PDGFRB: variants seen among roughly 807,000 people sequenced by gnomAD.
The protein encoded by PDGFRB is platelet-derived growth factor receptor beta.
PDGFRB carries 42 observed loss-of-function variants against 120.2 expected under a neutral mutation model. The observed-to-expected ratio is 0.35, with a 90% confidence interval of 0.27 to 0.45. PDGFRB has a LOEUF of 0.45. PDGFRB is among the 20% of genes least tolerant of loss of function. The probability of loss-of-function intolerance (pLI) is 1.00; values close to 1 mark genes in which losing one functional copy is unlikely to be tolerated. For synonymous variants in PDGFRB, 586 were observed against 606.8 expected, an observed-to-expected ratio of 0.97 and a Z score of 0.50; for missense variants, 1,149 against 1,476.3, an observed-to-expected ratio of 0.78 and a Z score of 3.63.
At position 150,121,825 on chromosome 5, in the gene PDGFRB, G is replaced by A; in HGVS notation, c.2344+55C>T. 2.2e-6 allele frequency: 3 copies of A among 1,352,612 alleles called. No individual in the cohort carries two copies. Among genetic ancestry groups the A allele is most frequent in the South Asian group, 2.4e-5 (2 of 84,202 alleles). 83.8% of individuals were successfully genotyped at this position (1,352,612 alleles called of 1,614,324 possible). ...CAGGGTTTTTGGCAAGGCTGGGCAT[G>A]TGAAGAGCATCAGCCTGTTTGGATG... On this transcript the variant is annotated intron_variant, in intron 16 of 22. Transcript: ENST00000261799. The surrounding 1 kb of genome is among the most constrained non-coding windows in gnomAD (Gnocchi z 4.1).
intron 1 of PDGFRB, among the ~76,000 whole-genome samples, chr5:150,145,563 A>G (rs1011737821): frequency 1.3e-5 from 2 of 152,190 alleles, no homozygotes; most frequent in Admixed American, 6.5e-5. Context: ...GACTGTTTAC[A>G]TTGTTTGCCC....
At chr5:150,144,569 C>T (rs1215583624) in intron 1 of PDGFRB, among the ~76,000 whole-genome samples, 1 of 152,240 alleles carries the variant, frequency 6.6e-6, no homozygotes, top group Non-Finnish European at 1.5e-5. Flanking sequence ...CTCCCCAGCC[C>T]GAGCCCCGCT....
At position 150,130,668 on chromosome 5, in the gene PDGFRB, T is replaced by C; in HGVS notation, c.1244-6A>G. ...CTCCAGCACTCGGACAGGGACTGCA[T>C]GGAGAGAGCACTGAGTTAGGAGGCG... On this transcript the variant is annotated splice_region_variant and splice_polypyrimidine_tract_variant and intron_variant, in intron 8 of 22. Coordinates refer to ENST00000261799, the MANE Select transcript of PDGFRB (RefSeq NM_002609.4). 1.9e-6 allele frequency: 3 copies of C among 1,612,698 alleles called. No homozygotes were observed. Among genetic ancestry groups the C allele is most frequent in the South Asian group, 2.2e-5 (2 of 91,046 alleles).
chr5:150,118,382 G>T (rs969318776), intron 21 of PDGFRB, among the ~76,000 whole-genome samples: 3 of 152,156 alleles, frequency 2.0e-5, no homozygotes, highest in East Asian at 1.9e-4. Context: ...CCTGTGACAG[G>T]ATCCAAGTGG....
Position 150,117,758 on chromosome 5 carries a change from TCGGAGGC to T in PDGFRB, c.2990_2996del (p.Gly997AspfsTer46). The T allele has an allele frequency of 6.2e-7, 1 of 1,613,318 alleles. No homozygotes were observed. ...GGACGGAGCTGGTGTCCAGGGGAGA[TCGGAGGC>T]CATGGAACCCAGGCAAGCGGGCCTG... On this transcript the variant is annotated frameshift_variant, in exon 22 of 23. Transcript: ENST00000261799. LOFTEE classifies it high-confidence loss of function.
chr5:150,148,266 C>T lies in PDGFRB; in HGVS notation c.-7+7131G>A, dbSNP rs1406539853. 2.0e-5 allele frequency among the ~76,000 whole-genome samples: 3 copies of T among 152,352 alleles called. No homozygotes were observed. In the Middle Eastern group the frequency reaches 0.01, roughly 518 times the overall value. On this transcript the variant is annotated intron_variant, in intron 1 of 22. Transcript: ENST00000261799. ...ACAAATCAGGATACCTACCTAACAA[C>T]GATCTGGACTCTCTTCAACTTCCTA... is the stretch of plus-strand genomic sequence containing the variant.
rs576696405 is a variant in PDGFRB at position 150,155,451 on chromosome 5, C to T, written c.-61G>A. The T allele has an allele frequency of 2.0e-5, 8 of 397,300 alleles. No individual in the cohort carries two copies. Among genetic ancestry groups the T allele is most frequent in the Middle Eastern group, 6.2e-4 (1 of 1,612 alleles). 24.6% of individuals were successfully genotyped at this position (397,300 alleles called of 1,614,324 possible). The stretch of plus-strand genomic sequence containing the variant: ...CAGTTCCAGGCTCTGGACAGTCACC[C>T]CCTCCAGGAAGTCCTCCTTACTGCC... On this transcript the variant is annotated 5_prime_UTR_variant, in exon 1 of 23. Transcript: ENST00000261799.
At chr5:150,117,566 A>C in intron 22 of PDGFRB, 52 bp downstream of exon 22, 1 of 986,716 alleles carries the variant, frequency 1.0e-6, no homozygotes, top group Non-Finnish European at 1.6e-6. Flanking sequence ...ACACACACAC[A>C]CACACACACA....
At position 150,121,960 on chromosome 5, in the gene PDGFRB, A is replaced by T. The variant is rs939822838; in HGVS notation, c.2264T>A (p.Leu755Gln). Residue 755 changes from leucine to glutamine, a missense_variant, in exon 16 of 23, where the codon CTG becomes CAG. By Grantham distance (113) the Leu-to-Gln change is moderately radical. Around this residue, in one of 3 missense-constraint regions of PDGFRB, gnomAD observed 879 missense variants for 1,108.6 expected, o/e 0.79. Transcript: ENST00000261799. The surrounding 1 kb of genome is among the most constrained non-coding windows in gnomAD (Gnocchi z 4.1). ...KDESVDYVPM[L>Q]DMKGDVKYAD... ...ATATTTGACGTCTCCTTTCATGTCC[A>T]GCATGGGCACATAGTCCACCGACTC... 1 of 1,613,470 alleles carries T rather than the reference A, an allele frequency of 6.2e-7. No individual in the cohort carries two copies. Among genetic ancestry groups the T allele is most frequent in the East Asian group, 2.2e-5 (1 of 44,892 alleles).
rs1432844976 is a variant in PDGFRB, at chr5:150,118,763, C to T, written c.2888G>A (p.Gly963Asp). 1 of 1,610,796 alleles carries T rather than the reference C, an allele frequency of 6.2e-7. No individual in the cohort carries two copies. Among genetic ancestry groups the T allele is most frequent in the Admixed American group, 1.7e-5 (1 of 60,010 alleles). ...QLVLLLERLL[G>D]EGYKKKYQQV... ...TCAACATACCTTTTTGTAACCTTCGCCCAACAGTCTCTCGAGAAGCAGCAC... is the reference window on the plus strand; with the variant it reads ...TCAACATACCTTTTTGTAACCTTCGTCCAACAGTCTCTCGAGAAGCAGCAC... The change falls in exon 21 of 23, where the codon GGC (glycine) becomes GAC (aspartate). Residue 963 changes from glycine to aspartate, a missense_variant. Around this residue, in one of 3 missense-constraint regions of PDGFRB, gnomAD observed 202 missense variants for 214.3 expected, o/e 0.94. Coordinates refer to ENST00000261799, the MANE Select transcript of PDGFRB (RefSeq NM_002609.4).
chr5:150,151,523 G>A (rs1053324235), intron 1 of PDGFRB, among the ~76,000 whole-genome samples: 1 of 152,202 alleles, frequency 6.6e-6, no homozygotes, highest in Admixed American at 6.6e-5. Flanking sequence ...CGAGCTGTGG[G>A]ACTTTAGGCA....
chr5:150,120,842 TCACAGG>T lies in PDGFRB; in HGVS notation c.2586+40_2586+45del. 6.3e-7 allele frequency: 1 copy of T among 1,595,084 alleles called. No individual in the cohort carries two copies. Among genetic ancestry groups the T allele is most frequent in the Non-Finnish European group, 8.6e-7 (1 of 1,163,278 alleles). ...GTCAGGAGGGAATCTGTTCCTGCGG[TCACAGG>T]CACTGTGACTGCCCTGCAGGGGCCA... On this transcript the variant is annotated intron_variant, in intron 18 of 22. Transcript: ENST00000261799. The surrounding 1 kb of genome is among the most constrained non-coding windows in gnomAD (Gnocchi z 4.3).
At position 150,123,227 on chromosome 5, in the gene PDGFRB, G is replaced by C. The variant is rs373606468; in HGVS notation, c.2024-26C>G. ...CTGCAGAGGGACAGGCTCAGGGACAGTCCCTATGGAGGCCTCAGGCGTCCC... is the reference window on the plus strand; with the variant it reads ...CTGCAGAGGGACAGGCTCAGGGACACTCCCTATGGAGGCCTCAGGCGTCCC... On this transcript the variant is annotated intron_variant, in intron 14 of 22. Transcript: ENST00000261799. 3.7e-6 allele frequency: 6 copies of C among 1,602,566 alleles called. No homozygotes were observed. The South Asian group carries it at 5.5e-5, about 15-fold the overall frequency.
rs1239785040 is a variant in PDGFRB at position 150,123,164 on chromosome 5, T to G, written c.2061A>C (p.Gly687=). The G allele has an allele frequency of 3.7e-6, 6 of 1,613,640 alleles. No individual in the cohort carries two copies. The highest frequency in any genetic ancestry group is 4.2e-6 in the Non-Finnish European group (5 of 1,179,846). Residue 687 remains glycine, a synonymous_variant, in exon 15 of 23, where the codon GGA becomes GGC. Coordinates refer to ENST00000261799, the MANE Select transcript of PDGFRB (RefSeq NM_002609.4). ...TGCGGTGCAGGTAGTCCACCAGGTC[T>G]CCGTAGCGGCAGTACTCAGTGATGA... ...IYIITEYCRY[G]DLVDYLHRNK... is the part of the protein sequence containing the mutation.
chr5:150,134,615 A>G (rs1374793377), intron 4 of PDGFRB, 135 bp downstream of exon 4: 14 of 807,390 alleles, frequency 1.7e-5, no homozygotes, highest in Admixed American at 5.8e-5. Flanking sequence ...TGGGGAAAAC[A>G]CTATCTTCCT....
Position 150,120,053 on chromosome 5 carries a change from A to ACGT in PDGFRB, c.2654_2656dup (p.Asp885dup). On this transcript the variant is annotated inframe_insertion, in exon 19 of 23. Coordinates refer to ENST00000261799, the MANE Select transcript of PDGFRB (RefSeq NM_002609.4). This position sits in a 1 kb window ranked among gnomAD's most constrained non-coding sequence, Gnocchi z 4.3. ...CCAGAGCAGGATCCCGAAGGACCACACGTCGCTCAGGGTGGTGTAGAGGCT... is the reference window on the plus strand; with the variant it reads ...CCAGAGCAGGATCCCGAAGGACCACACGTCGTCGCTCAGGGTGGTGTAGAGGCT... 1.2e-6 allele frequency: 2 copies of ACGT among 1,606,428 alleles called. No individual in the cohort carries two copies. The highest frequency in any genetic ancestry group is 1.7e-6 in the Non-Finnish European group (2 of 1,172,984).
chr5:150,130,758 G>T, intron 8 of PDGFRB, 96 bp from the exon 9 acceptor site: 3 of 1,062,416 alleles, frequency 2.8e-6, no homozygotes, highest in Non-Finnish European at 4.2e-6. Context: ...ACTCTCTTGG[G>T]GGAGGAGGGC....
At chr5:150,116,018 C>G (rs1759920415) in intron 22 of PDGFRB, 72 bp from the exon 23 acceptor site, 1 of 1,388,778 alleles carries the variant, frequency 7.2e-7, no homozygotes, top group Admixed American at 2.4e-5. Flanking sequence ...TCATGAAGAG[C>G]CTTCGGTGTG....
intron 11 of PDGFRB, 127 bp downstream of exon 11, chr5:150,126,393 C>A: frequency 1.5e-6 from 1 of 684,050 alleles, no homozygotes. Flanking sequence ...CACAAGTCCC[C>A]ACCTGAGTTC....
Sources: gnomAD v4.1 joint callset for allele counts (sites outside exome capture counted in the v4.1 genomes callset) on GRCh38, gnomAD v4.1.1 for gene constraint, gnomAD v4.1.1 regional missense constraint, Gnocchi (gnomAD v3.1) non-coding constraint, MANE v1.5 for transcripts, NCBI Gene and HGNC (gene_info 2026-07-23, HGNC 2026-07-21) for gene names.